CERS6: variants seen among roughly 807,000 people sequenced by gnomAD.
The protein encoded by CERS6 is ceramide synthase 6.
CERS6 carries 26 observed loss-of-function variants against 56.8 expected under a neutral mutation model. That is an observed-to-expected ratio of 0.46 (90% CI 0.34 to 0.63). The LOEUF is 0.63. Ranked by LOEUF, CERS6 falls within the 30% of genes least tolerant of loss-of-function variation. CERS6 has a pLI of 0.01. For missense variants in CERS6, 415 were observed against 467.5 expected (o/e 0.89, Z 1.04); for synonymous variants, 164 against 173.3 (o/e 0.95, Z 0.42).
chr2:168,746,924 TG>T (rs1684125129), intron 8 of CERS6, among the ~76,000 whole-genome samples: 2 of 150,658 alleles, frequency 1.3e-5, no homozygotes. Flanking sequence ...ATTTGGAAAA[TG>T]TAGAAAACAT....
chr2:168,757,797 G>A (rs537404801), intron 8 of CERS6, among the ~76,000 whole-genome samples: 48 of 152,290 alleles, frequency 3.2e-4, no homozygotes, highest in South Asian at 2.1e-4. Flanking sequence ...CACCCATGCC[G>A]CAAGCTACCC....
intron 3 of CERS6, among the ~76,000 whole-genome samples, chr2:168,591,908 G>A (rs1247574460): frequency 1.3e-5 from 2 of 152,140 alleles, no homozygotes; most frequent in African/African-American, 2.4e-5. Context: ...TCTCCGCATG[G>A]ACCCTCAATG....
intron 8 of CERS6, among the ~76,000 whole-genome samples, chr2:168,735,583 A>C (rs1055112883): frequency 1.6e-4 from 25 of 152,200 alleles, no homozygotes; most frequent in African/African-American, 6.0e-4. Flanking sequence ...GCACTTAAGA[A>C]GTATTTTGGC....
At chr2:168,546,209 G>T (rs1409845535) in intron 1 of CERS6, among the ~76,000 whole-genome samples, 3 of 152,178 alleles carry the variant, frequency 2.0e-5, no homozygotes, top group Admixed American at 6.5e-5. Flanking sequence ...TTAGGAAAAG[G>T]TTATACTTAC....
At chr2:168,486,946 AT>A (rs1694287360) in intron 1 of CERS6, among the ~76,000 whole-genome samples, 1 of 151,136 alleles carries the variant, frequency 6.6e-6, no homozygotes, top group Non-Finnish European at 1.5e-5. Flanking sequence ...TAAATTCCAT[AT>A]AGTCCACTTA....
chr2:168,739,776 C>T (rs948618889), intron 8 of CERS6, among the ~76,000 whole-genome samples: 8 of 150,998 alleles, frequency 5.3e-5, no homozygotes, highest in East Asian at 1.9e-4. Context: ...GACAGAGTCT[C>T]GCTCTGTCAC....
chr2:168,726,168 C>T (rs933349066), intron 8 of CERS6, among the ~76,000 whole-genome samples: 1 of 152,106 alleles, frequency 6.6e-6, no homozygotes, highest in African/African-American at 2.4e-5. Context: ...TACTTGATTT[C>T]CTTAAATCTT....
At chr2:168,641,530 C>T (rs756717693) in intron 4 of CERS6, among the ~76,000 whole-genome samples, 1 of 152,100 alleles carries the variant, frequency 6.6e-6, no homozygotes, top group Admixed American at 6.5e-5. Context: ...ATAGAATGAC[C>T]GTCCTCACCT....
intron 1 of CERS6, among the ~76,000 whole-genome samples, chr2:168,473,786 C>T (rs1694020299): frequency 1.3e-5 from 2 of 152,208 alleles, no homozygotes; most frequent in South Asian, 4.1e-4. Context: ...TTTCTTCTAT[C>T]TCACTTTCTT....
intron 1 of CERS6, among the ~76,000 whole-genome samples, chr2:168,515,001 T>A (rs1694860170): frequency 6.6e-6 from 1 of 152,228 alleles, no homozygotes; most frequent in Non-Finnish European, 1.5e-5. Flanking sequence ...CAGTAATGTA[T>A]GTATCCACAC....
intron 1 of CERS6, among the ~76,000 whole-genome samples, chr2:168,465,612 T>C (rs75489279): frequency 1.3e-5 from 2 of 152,284 alleles, no homozygotes; most frequent in East Asian, 3.9e-4. Flanking sequence ...AAGACATGCT[T>C]AGTGAAATAA....
intron 8 of CERS6, among the ~76,000 whole-genome samples, chr2:168,759,567 T>G (rs1390488084): frequency 1.3e-5 from 2 of 152,204 alleles, no homozygotes; most frequent in East Asian, 3.8e-4. Context: ...CAAATTCATC[T>G]GTGACCACCC....
rs1439323344 is a variant in CERS6, at chr2:168,475,178, AAC to A, written c.170+18562_170+18563del. ...TTATACCAATAGGATGGCATGTATTAACATTTTTTGACTTTTATGAAAATGTT... is the reference window on the plus strand; with the variant it reads ...TTATACCAATAGGATGGCATGTATTAATTTTTTGACTTTTATGAAAATGTT... On this transcript the variant is annotated intron_variant, in intron 1 of 9. Transcript: ENST00000305747. 5.3e-5 allele frequency among the ~76,000 whole-genome samples: 8 copies of A among 152,266 alleles called. No individual in the cohort carries two copies. In the East Asian group the frequency reaches 1.2e-3, roughly 22 times the overall value.
intron 8 of CERS6, among the ~76,000 whole-genome samples, chr2:168,734,761 T>G (rs1012077277): frequency 5.9e-5 from 9 of 152,198 alleles, no homozygotes; most frequent in African/African-American, 2.2e-4. Context: ...GCAACTAGGT[T>G]TATATTTAGT....
intron 1 of CERS6, among the ~76,000 whole-genome samples, chr2:168,461,435 G>A (rs190538527): frequency 6.1e-5 from 9 of 146,840 alleles, no homozygotes; most frequent in Non-Finnish European, 8.9e-5. Flanking sequence ...ACTCTAGCCT[G>A]GGCAACAGAG....
chr2:168,529,524 G>T (rs1004011405), intron 1 of CERS6, among the ~76,000 whole-genome samples: 4 of 152,148 alleles, frequency 2.6e-5, no homozygotes, highest in African/African-American at 9.7e-5. Context: ...GGGTTTTGAG[G>T]CACCAATGGA....
intron 8 of CERS6, among the ~76,000 whole-genome samples, chr2:168,757,424 G>C (rs1009100280): frequency 6.6e-6 from 1 of 150,734 alleles, no homozygotes; most frequent in Non-Finnish European, 1.5e-5. Context: ...TGTGATAAGA[G>C]ACCAGTTCCT....
chr2:168,753,910 C>A lies in CERS6; in HGVS notation c.846-11682C>A, dbSNP rs1164290828. ...GTAAGAGTAAAACACTATCTCTTAT[C>A]CCCTTCCTTCCTGCCGCCCACGCCA... is the stretch of plus-strand genomic sequence containing the variant. On this transcript the variant is annotated intron_variant, in intron 8 of 9. Transcript: ENST00000305747. Among the ~76,000 whole-genome samples the A allele has an allele frequency of 2.0e-5, 3 of 152,162 alleles. No homozygotes were observed. In the East Asian group the frequency reaches 5.8e-4, roughly 29 times the overall value.
At position 168,738,736 on chromosome 2, in the gene CERS6, A is replaced by G. The variant is rs115491619; in HGVS notation, c.845+20758A>G. Among the ~76,000 whole-genome samples the G allele has an allele frequency of 3.8e-3, 579 of 152,324 alleles. 3 individuals carry two copies. Among genetic ancestry groups the G allele is most frequent in the African/African-American group, 0.014 (564 of 41,570 alleles). On this transcript the variant is annotated intron_variant, in intron 8 of 9. Transcript: ENST00000305747. ...CGTAAAAAGCTTAGGCACAGGGCTA[A>G]CCAACAGGGATACAAAATGAATGTA... is the stretch of plus-strand genomic sequence containing the variant.
Sources: allele counts gnomAD v4.1 joint callset (sites outside exome capture counted in the v4.1 genomes callset), GRCh38; gene constraint gnomAD v4.1.1; transcripts MANE v1.5; gene names NCBI Gene and HGNC (gene_info 2026-07-23, HGNC 2026-07-21).